The following CTXN2 variants were observed in gnomAD, a reference collection of about 807,000 sequenced individuals.
CTXN2 encodes cortexin 2.
CTXN2 carries 3 observed loss-of-function variants against 5.7 expected under a neutral mutation model. The ratio of observed to expected loss-of-function variants is 0.53; its 90% CI spans 0.24 to 1.36. The LOEUF is 1.36. Among genes scored for constraint, CTXN2 ranks in the 40% most tolerant of loss-of-function variants. The probability of loss-of-function intolerance (pLI) is 0.17; values close to 1 mark genes in which losing one functional copy is unlikely to be tolerated. For synonymous variants in CTXN2, 38 were observed against 36.4 expected (o/e 1.04, Z -0.16); for missense variants, 87 against 93.0 (o/e 0.94, Z 0.26).
At chr15:48,189,197 GAAGC>G (rs2040788980), upstream of CTXN2, 1 of 152,176 alleles carries the variant, frequency 6.6e-6, no homozygotes, top group African/African-American at 2.4e-5. Flanking sequence ...CATCAATTCA[GAAGC>G]ATTAATGGGA....
intron 1 of CTXN2, among the ~76,000 whole-genome samples, chr15:48,183,366 G>T (rs564097807): frequency 5.3e-5 from 8 of 152,306 alleles, no homozygotes; most frequent in African/African-American, 1.9e-4. Flanking sequence ...AAGCTCAGAG[G>T]CATGGCATTA....
Position 48,201,834 on chromosome 15 carries a change from T to C in CTXN2, c.*288T>C. The C allele has an allele frequency of 2.6e-6, 1 of 385,786 alleles. No homozygotes were observed. Among genetic ancestry groups the C allele is most frequent in the Non-Finnish European group, 5.0e-6 (1 of 201,874 alleles). The allele number at this position is 385,786 out of a possible 1,614,324, so 23.9% of individuals were successfully genotyped here. The stretch of plus-strand genomic sequence containing the variant: ...ACAACTGCCTTGAATTTCTGCTTCC[T>C]TTCTTGTGCTAATAAACTGTGCCAA... On this transcript the variant is annotated 3_prime_UTR_variant, in exon 2 of 2. Transcript: ENST00000417307.
At chr15:48,191,622 A>ACG (rs756528907), upstream of CTXN2, 1 of 435,738 alleles carries the variant, frequency 2.3e-6, no homozygotes, top group Non-Finnish European at 4.6e-6. Flanking sequence ...TTTCCTGCAA[A>ACG]CGCGCGCGCG....
Position 48,201,598 on chromosome 15 carries a change from T to A in CTXN2, c.*52T>A. 2 of 1,535,744 alleles carry A rather than the reference T, an allele frequency of 1.3e-6. No individual in the cohort carries two copies. Among genetic ancestry groups the A allele is most frequent in the Middle Eastern group, 3.4e-4 (2 of 5,924 alleles). ...TTGTGCCATCGGGACACATTCTGGATACAATTGTAACTACCTTGAGGGTGT... is the reference window on the plus strand; with the variant it reads ...TTGTGCCATCGGGACACATTCTGGAAACAATTGTAACTACCTTGAGGGTGT... On this transcript the variant is annotated 3_prime_UTR_variant, in exon 2 of 2. Transcript: ENST00000417307.
rs368752651 is a variant in CTXN2, at chr15:48,198,540, C to T, written c.-57-2704C>T. 3.3e-5 allele frequency among the ~76,000 whole-genome samples: 5 copies of T among 152,166 alleles called. No homozygotes were observed. The East Asian group carries it at 7.7e-4, about 23-fold the overall frequency. ...AAGGCTCTAGGAACAAAGTATTATT[C>T]GCTGTATGATGGACATATTATATTC... On this transcript the variant is annotated intron_variant, in intron 1 of 1. Transcript: ENST00000417307.
chr15:48,200,326 A>G (rs938264820), intron 1 of CTXN2, among the ~76,000 whole-genome samples: 2 of 152,236 alleles, frequency 1.3e-5, no homozygotes, highest in Non-Finnish European at 2.9e-5. Flanking sequence ...TAATTAATTC[A>G]TTTAACTAAC....
chr15:48,186,821 A>G (rs1365229187), upstream of CTXN2, among the ~76,000 whole-genome samples: 1 of 151,772 alleles, frequency 6.6e-6, no homozygotes, highest in African/African-American at 2.4e-5. Context: ...GAGGCAGGAG[A>G]ATCGCTTGAA....
chr15:48,195,527 C>T (rs997565317), intron 1 of CTXN2, among the ~76,000 whole-genome samples: 2 of 152,108 alleles, frequency 1.3e-5, no homozygotes, highest in Admixed American at 1.3e-4. Context: ...CCATACTCCC[C>T]CTTGCCTGTA....
At chr15:48,179,886 A>C (rs894762595) in intron 1 of CTXN2, among the ~76,000 whole-genome samples, 4 of 152,190 alleles carry the variant, frequency 2.6e-5, no homozygotes, top group Non-Finnish European at 5.9e-5. Flanking sequence ...TGAATTCAGT[A>C]TGAAAATTGA....
chr15:48,179,264 G>C (rs1456070105), intron 1 of CTXN2, among the ~76,000 whole-genome samples: 2 of 151,978 alleles, frequency 1.3e-5, no homozygotes, highest in Non-Finnish European at 2.9e-5. Context: ...GTACAGTTTA[G>C]TCACTTTGCA....
intron 1 of CTXN2, among the ~76,000 whole-genome samples, chr15:48,183,116 T>A (rs1427030398): frequency 6.6e-6 from 1 of 152,180 alleles, no homozygotes; most frequent in Non-Finnish European, 1.5e-5. Flanking sequence ...AAATGTCTCA[T>A]AGGAGACAGA....
chr15:48,178,548 C>T (rs2040648468), intron 1 of CTXN2: 3 of 318,460 alleles, frequency 9.4e-6, no homozygotes, highest in Non-Finnish European at 1.7e-5. Context: ...CCATGTCTGC[C>T]CACCAGCCCG....
At chr15:48,179,218 C>T (rs182296506) in intron 1 of CTXN2, among the ~76,000 whole-genome samples, 83 of 152,042 alleles carry the variant, frequency 5.5e-4, no homozygotes, top group Non-Finnish European at 1.0e-3. Flanking sequence ...AGTTTAAATG[C>T]CTTCCCAAAT....
chr15:48,194,943 T>A (rs542140022), intron 1 of CTXN2, among the ~76,000 whole-genome samples: 1 of 152,278 alleles, frequency 6.6e-6, no homozygotes, highest in South Asian at 2.1e-4. Context: ...GCTCTCTCCA[T>A]CCTGTATAAA....
chr15:48,193,106 A>G (rs2040840057), intron 1 of CTXN2, among the ~76,000 whole-genome samples: 1 of 152,182 alleles, frequency 6.6e-6, no homozygotes, highest in Non-Finnish European at 1.5e-5. Flanking sequence ...CCAATTACAA[A>G]GCAACTTCAT....
chr15:48,202,924 C>A lies in CTXN2; in HGVS notation c.*1378C>A, dbSNP rs2040939945. 1 of 165,528 alleles carries A rather than the reference C, an allele frequency of 6.0e-6. No individual in the cohort carries two copies. The highest frequency in any genetic ancestry group is 2.4e-5 in the African/African-American group (1 of 41,436). The allele number at this position is 165,528 out of a possible 1,614,324, so 10.3% of individuals were successfully genotyped here. A position where few individuals can be genotyped will look rare whatever the true frequency, so the allele number is the denominator to read the frequency against. ...AAAATATTTATGTCCTTTGAAAACACAGAACTGCAAAACATACCATGAAGG... is the reference window on the plus strand; with the variant it reads ...AAAATATTTATGTCCTTTGAAAACAAAGAACTGCAAAACATACCATGAAGG... On this transcript the variant is annotated 3_prime_UTR_variant, in exon 2 of 2. Transcript: ENST00000417307.
upstream of CTXN2, chr15:48,191,312 G>C: frequency 6.1e-6 from 1 of 162,784 alleles, no homozygotes; most frequent in Non-Finnish European, 1.4e-5. Flanking sequence ...GCAAAACAAG[G>C]ATTTCAGCAG....
Position 48,192,067 on chromosome 15 carries a change from G to A in CTXN2, c.-58+214G>A, listed in dbSNP as rs187785274. The A allele has an allele frequency of 5.3e-5, 16 of 301,400 alleles. No homozygotes were observed. In the East Asian group the frequency reaches 1.3e-3, roughly 25 times the overall value. The allele number at this position is 301,400 out of a possible 1,614,324, so 18.7% of individuals were successfully genotyped here. A position where few individuals can be genotyped will look rare whatever the true frequency, so the allele number is the denominator to read the frequency against. ...CAGCACCCCTAATGCTAGCGCCACT[G>A]CTGATGCGGCTGCCAGGCGGGGGAA... On this transcript the variant is annotated intron_variant, in intron 1 of 1. Coordinates refer to ENST00000417307, the MANE Select transcript of CTXN2 (RefSeq NM_001145668.2).
At chr15:48,191,978 C>T in intron 1 of CTXN2, 125 bp downstream of exon 1, 1 of 323,680 alleles carries the variant, frequency 3.1e-6, no homozygotes, top group Non-Finnish European at 6.3e-6. Context: ...AGCAAAAGAG[C>T]GGGGGGTGGG....
Sources: allele counts gnomAD v4.1 joint callset (sites outside exome capture counted in the v4.1 genomes callset), GRCh38; gene constraint gnomAD v4.1.1; transcripts MANE v1.5; gene names NCBI Gene and HGNC (gene_info 2026-07-23, HGNC 2026-07-21).